Variants in L3MBTL4 observed in about 807,000 individuals in gnomAD.
The protein encoded by L3MBTL4 is L3MBTL histone methyl-lysine binding protein 4.
L3MBTL4 carries 70 observed loss-of-function variants against 84.5 expected under a neutral mutation model. The observed-to-expected ratio is 0.83, with a 90% CI of 0.68 to 1.01. L3MBTL4 has a LOEUF of 1.01. Ranked by LOEUF, L3MBTL4 falls within the 50% of genes least tolerant of loss-of-function variation. L3MBTL4 has a pLI of 0.00. For missense variants in L3MBTL4, 715 were observed against 754.8 expected, an observed-to-expected ratio of 0.95 and a Z score of 0.62; for synonymous variants, 274 against 259.8, an observed-to-expected ratio of 1.05 and a Z score of -0.52.
At chr18:6,364,204 G>T (rs1445800368) in intron 1 of L3MBTL4, among the ~76,000 whole-genome samples, 1 of 152,138 alleles carries the variant, frequency 6.6e-6, no homozygotes, top group East Asian at 1.9e-4. Context: ...TTGCAAAAAT[G>T]TGAAACAACG....
intron 15 of L3MBTL4, among the ~76,000 whole-genome samples, chr18:6,084,936 A>C (rs2058209858): frequency 6.6e-6 from 1 of 152,104 alleles, no homozygotes; most frequent in African/African-American, 2.4e-5. Context: ...GTGGTGTGCA[A>C]TGAGGTAAGA....
At chr18:6,282,288 C>A (rs1375297749) in intron 4 of L3MBTL4, among the ~76,000 whole-genome samples, 1 of 152,134 alleles carries the variant, frequency 6.6e-6, no homozygotes, top group East Asian at 1.9e-4. Context: ...AATTGCAAAC[C>A]ATACTAAGTA....
intron 1 of L3MBTL4, among the ~76,000 whole-genome samples, chr18:6,351,977 C>T (rs1183098832): frequency 6.6e-6 from 1 of 152,108 alleles, no homozygotes; most frequent in African/African-American, 2.4e-5. Flanking sequence ...TGAGCCACCA[C>T]TCAAGTCAAA....
intron 16 of L3MBTL4, among the ~76,000 whole-genome samples, chr18:6,044,567 G>C (rs1598542019): frequency 6.6e-6 from 1 of 151,896 alleles, no homozygotes; most frequent in East Asian, 1.9e-4. Flanking sequence ...CCAGCCATGA[G>C]TTGTGTGGGA....
intron 14 of L3MBTL4, among the ~76,000 whole-genome samples, chr18:6,105,016 A>T (rs2058955380): frequency 6.6e-6 from 1 of 152,066 alleles, no homozygotes; most frequent in Non-Finnish European, 1.5e-5. Context: ...AGACAAAACG[A>T]CCCTGAGATA....
intron 10 of L3MBTL4, among the ~76,000 whole-genome samples, chr18:6,216,254 A>G (rs2046322201): frequency 6.6e-6 from 1 of 152,212 alleles, no homozygotes; most frequent in East Asian, 1.9e-4. Flanking sequence ...AATTTCTCTA[A>G]TCATTCTATA....
At chr18:6,238,519 C>G (rs936771745) in intron 9 of L3MBTL4, among the ~76,000 whole-genome samples, 1 of 151,736 alleles carries the variant, frequency 6.6e-6, no homozygotes, top group Non-Finnish European at 1.5e-5. Flanking sequence ...GGCAACAGAG[C>G]GAGATTCCAT....
At chr18:6,099,868 T>C (rs2058763290) in intron 14 of L3MBTL4, among the ~76,000 whole-genome samples, 1 of 152,030 alleles carries the variant, frequency 6.6e-6, no homozygotes, top group African/African-American at 2.4e-5. Context: ...CCTAACTATC[T>C]ATCTATGACT....
At chr18:6,291,118 A>G (rs1272518190) in intron 4 of L3MBTL4, among the ~76,000 whole-genome samples, 1 of 152,182 alleles carries the variant, frequency 6.6e-6, no homozygotes, top group Non-Finnish European at 1.5e-5. Flanking sequence ...AGATACGGGA[A>G]CAAGGCTCCC....
intron 16 of L3MBTL4, among the ~76,000 whole-genome samples, chr18:6,033,561 C>G: frequency 6.6e-6 from 1 of 152,206 alleles, no homozygotes; most frequent in South Asian, 2.1e-4. Flanking sequence ...CATGTAATTA[C>G]GATTACATTA....
chr18:6,241,671 G>A (rs1398103612), intron 7 of L3MBTL4, among the ~76,000 whole-genome samples: 1 of 152,112 alleles, frequency 6.6e-6, no homozygotes, highest in African/African-American at 2.4e-5. Context: ...TCTCCAAATT[G>A]TTTCACCTTT....
At chr18:6,278,434 T>C (rs2146550333) in intron 4 of L3MBTL4, among the ~76,000 whole-genome samples, 1 of 152,348 alleles carries the variant, frequency 6.6e-6, no homozygotes, top group East Asian at 1.9e-4. Flanking sequence ...TTACTCATCA[T>C]TATACCTCCT....
chr18:6,133,228 C>T (rs1291494377), intron 14 of L3MBTL4, among the ~76,000 whole-genome samples: 1 of 152,010 alleles, frequency 6.6e-6, no homozygotes, highest in Non-Finnish European at 1.5e-5. Context: ...ATACAGTAGC[C>T]ACTAGTCACA....
chr18:5,972,430 T>A (rs1163028586), intron 16 of L3MBTL4, among the ~76,000 whole-genome samples: 1 of 151,924 alleles, frequency 6.6e-6, no homozygotes, highest in East Asian at 1.9e-4. Context: ...AGGGCTGGTG[T>A]GAGGGAAAAG....
chr18:6,241,229 GA>G, intron 8 of L3MBTL4, 128 bp downstream of exon 8: 2 of 639,900 alleles, frequency 3.1e-6, no homozygotes, highest in Non-Finnish European at 5.5e-6. Flanking sequence ...AATTAGGTGA[GA>G]AAAGTGACAG....
At chr18:6,132,074 C>A (rs73938752) in intron 14 of L3MBTL4, among the ~76,000 whole-genome samples, 1 of 152,088 alleles carries the variant, frequency 6.6e-6, no homozygotes, top group Non-Finnish European at 1.5e-5. Flanking sequence ...TCCAATGATA[C>A]CCTTTCAGCC....
chr18:6,119,044 A>G (rs1032720473), intron 14 of L3MBTL4, among the ~76,000 whole-genome samples: 1 of 144,726 alleles, frequency 6.9e-6, no homozygotes, highest in Non-Finnish European at 1.5e-5. Context: ...CCTCCCTTCA[A>G]AGAGCTTCCT....
intron 16 of L3MBTL4, among the ~76,000 whole-genome samples, chr18:6,040,822 A>G (rs1325809201): frequency 6.6e-6 from 1 of 152,136 alleles, no homozygotes; most frequent in African/African-American, 2.4e-5. Flanking sequence ...TGCCATTCCC[A>G]TGGCTGGCCT....
chr18:6,170,366 T>C (rs2043908022), intron 13 of L3MBTL4, among the ~76,000 whole-genome samples: 1 of 151,988 alleles, frequency 6.6e-6, no homozygotes, highest in Admixed American at 6.6e-5. Flanking sequence ...GGTCAAAGCA[T>C]TGGGGGTCAA....
Sources: gnomAD v4.1 joint callset for allele counts (sites outside exome capture counted in the v4.1 genomes callset) on GRCh38, gnomAD v4.1.1 for gene constraint, MANE v1.5 for transcripts, NCBI Gene and HGNC (gene_info 2026-07-23, HGNC 2026-07-21) for gene names.